The following MORC1 variants were observed in gnomAD, a reference collection of about 807,000 sequenced individuals.
MORC1 encodes MORC family CW-type zinc finger 1, also known as MORC family CW-type zinc finger protein 1.
Under a neutral mutation model 134.9 loss-of-function variants are expected in MORC1, and 59 were observed. The ratio of observed to expected loss-of-function variants is 0.44; its 90% CI spans 0.35 to 0.54. The LOEUF (loss-of-function observed/expected upper bound fraction) is 0.54. MORC1 is among the 20% of genes least tolerant of loss of function. The pLI is 0.00. For synonymous variants in MORC1, 395 were observed against 391.7 expected, an observed-to-expected ratio of 1.01 and a Z score of -0.10; for missense variants, 947 against 1,134.5, an observed-to-expected ratio of 0.83 and a Z score of 2.37.
intron 14 of MORC1, among the ~76,000 whole-genome samples, chr3:109,038,868 G>A (rs991335598): frequency 6.6e-6 from 1 of 152,074 alleles, no homozygotes; most frequent in African/African-American, 2.4e-5. Flanking sequence ...AAGTCAGGTA[G>A]CGCGATGCCT....
chr3:109,039,117 T>C (rs1022833910), intron 14 of MORC1, among the ~76,000 whole-genome samples: 5 of 152,126 alleles, frequency 3.3e-5, no homozygotes, highest in African/African-American at 1.2e-4. Flanking sequence ...GACTTCACCA[T>C]GTTGGCCAGG....
chr3:109,040,407 G>GAAAGAAAGA (rs58166584), intron 14 of MORC1, among the ~76,000 whole-genome samples: 8 of 26,266 alleles, frequency 3.0e-4, no homozygotes, highest in African/African-American at 7.8e-4. Flanking sequence ...AGAAAGAGAA[G>GAAAGAAAGA]GAAGGAAGGA....
At position 108,963,548 on chromosome 3, in the gene MORC1, T is replaced by A; in HGVS notation, c.2665A>T (p.Ile889Phe). The change falls in exon 27 of 28, where the codon ATC (isoleucine) becomes TTC (phenylalanine). Residue 889 changes from isoleucine (I) to phenylalanine (F), a missense_variant. Ile to Phe is a conservative substitution (Grantham distance 21, BLOSUM62 0). Transcript: ENST00000232603. ...KKIKRKLQSI[I>F]YDSNTRGIHN... ...ATTCCTCTTGTATTTGAATCATAGA[T>A]AATGGACTGCAATTTCCTCTTTATT... 6.2e-7 allele frequency: 1 copy of A among 1,601,984 alleles called. No homozygotes were observed. The highest frequency in any genetic ancestry group is 8.5e-7 in the Non-Finnish European group (1 of 1,173,874).
At position 109,062,033 on chromosome 3, in the gene MORC1, T is replaced by G. The variant is rs1049166698; in HGVS notation, c.921A>C (p.Gln307His). The G allele has an allele frequency of 6.2e-7, 1 of 1,614,096 alleles. No homozygotes were observed. The highest frequency in any genetic ancestry group is 8.5e-7 in the Non-Finnish European group (1 of 1,179,968). The change falls in exon 11 of 28, where the codon CAA becomes CAC. Residue 307 changes from glutamine (Q) to histidine (H), a missense_variant. By Grantham distance (24) the Gln-to-His change is conservative. Transcript: ENST00000232603. ...KIAESILKEAQIKVNQCDRTS... is the reference protein window; with the variant it reads ...KIAESILKEAHIKVNQCDRTS... ...TTCTGTCACACTGGTTTACTTTGAT[T>G]TGTGCTTCTTTCAATATGGATTCAG...
intron 9 of MORC1, among the ~76,000 whole-genome samples, chr3:109,068,881 T>C (rs1236075592): frequency 6.6e-6 from 1 of 152,192 alleles, no homozygotes; most frequent in African/African-American, 2.4e-5. Context: ...GGTGGCCAAG[T>C]GCAGTGGCTC....
intron 3 of MORC1, among the ~76,000 whole-genome samples, chr3:109,104,960 T>C (rs965965559): frequency 1.3e-5 from 2 of 152,012 alleles, no homozygotes; most frequent in African/African-American, 2.4e-5. Context: ...TCCTGACCCT[T>C]TGTAAATCCT....
Position 108,979,576 on chromosome 3 carries a change from G to A in MORC1, c.2416C>T (p.Pro806Ser), listed in dbSNP as rs1947654919. 2 of 1,614,050 alleles carry A rather than the reference G, an allele frequency of 1.2e-6. No individual in the cohort carries two copies. Among genetic ancestry groups the A allele is most frequent in the East Asian group, 2.2e-5 (1 of 44,888 alleles). The change falls in exon 24 of 28, where the codon CCA (proline) becomes TCA (serine). Residue 806 changes from proline to serine, a missense_variant. By Grantham distance (74) the Pro-to-Ser change is moderately conservative. This residue lies in a region of MORC1 where 722 missense variants were observed against 817.0 expected (regional missense o/e 0.88). Coordinates refer to ENST00000232603, the MANE Select transcript of MORC1 (RefSeq NM_014429.4). ...ACAGGTGTGCTTTGAGAAGACGCTG[G>A]CGAAGAAGCAACTTTACAACTGCCA... ...VSGSCKVASS[P>S]ASSQSTPVKE...
intron 21 of MORC1, among the ~76,000 whole-genome samples, chr3:108,990,863 G>A (rs948231230): frequency 2.0e-5 from 3 of 151,184 alleles, no homozygotes; most frequent in Admixed American, 6.6e-5. Flanking sequence ...GTATATGAAC[G>A]ACAAAGGAAA....
chr3:109,060,297 T>C (rs1282552449), intron 11 of MORC1, among the ~76,000 whole-genome samples: 1 of 151,984 alleles, frequency 6.6e-6, no homozygotes, highest in Non-Finnish European at 1.5e-5. Context: ...ATTTTGTTAG[T>C]AGCCAACAGA....
At position 109,015,835 on chromosome 3, in the gene MORC1, C is replaced by T. The variant is rs535499163; in HGVS notation, c.1705-8744G>A. On this transcript the variant is annotated intron_variant, in intron 17 of 27. Coordinates refer to ENST00000232603, the MANE Select transcript of MORC1 (RefSeq NM_014429.4). ...ATCATTTTCCATCTTTGCAGAAATT[C>T]CAAGCTGCTAAAATTTGTGCAAGTT... Among the ~76,000 whole-genome samples the T allele has an allele frequency of 3.7e-4, 56 of 152,246 alleles. 1 individual carries two copies. Among genetic ancestry groups the T allele is most frequent in the African/African-American group, 1.2e-3 (51 of 41,534 alleles).
At chr3:109,076,555 T>C (rs981641589) in intron 8 of MORC1, among the ~76,000 whole-genome samples, 2 of 152,118 alleles carry the variant, frequency 1.3e-5, no homozygotes, top group Non-Finnish European at 2.9e-5. Flanking sequence ...CTATTCACAA[T>C]AGCAAAGACT....
chr3:109,062,594 G>C (rs1223242040), intron 10 of MORC1, among the ~76,000 whole-genome samples: 1 of 151,826 alleles, frequency 6.6e-6, no homozygotes, highest in South Asian at 2.1e-4. Flanking sequence ...CTAACTTTTT[G>C]TATTTTTAGT....
At chr3:109,113,302 A>G (rs1195991425) in intron 2 of MORC1, among the ~76,000 whole-genome samples, 1 of 152,242 alleles carries the variant, frequency 6.6e-6, no homozygotes, top group Admixed American at 6.5e-5. Context: ...CTTTTTCTCT[A>G]CTTCCCTCCC....
At chr3:108,993,407 C>A (rs960631866) in intron 21 of MORC1, among the ~76,000 whole-genome samples, 1 of 152,124 alleles carries the variant, frequency 6.6e-6, no homozygotes, top group Non-Finnish European at 1.5e-5. Context: ...TCTCTCCGTA[C>A]GTTTGCTGGA....
intron 2 of MORC1, among the ~76,000 whole-genome samples, chr3:109,111,120 T>C (rs536695218): frequency 2.7e-5 from 4 of 150,088 alleles, no homozygotes; most frequent in African/African-American, 7.3e-5. Context: ...GTTTTTCATA[T>C]TTTAGTTCAA....
At chr3:109,027,173 A>G (rs1343992326) in intron 17 of MORC1, among the ~76,000 whole-genome samples, 1 of 152,252 alleles carries the variant, frequency 6.6e-6, no homozygotes, top group African/African-American at 2.4e-5. Flanking sequence ...CTAAATCTAT[A>G]GAGGTTTAAT....
At chr3:108,978,125 C>T (rs1224932146) in intron 24 of MORC1, among the ~76,000 whole-genome samples, 1 of 152,186 alleles carries the variant, frequency 6.6e-6, no homozygotes, top group Admixed American at 6.5e-5. Context: ...GATCCGCCCA[C>T]CTCGGCCTCC....
At chr3:109,101,454 A>T (rs1950923084) in intron 4 of MORC1, 1 of 152,200 alleles carries the variant, frequency 6.6e-6, no homozygotes, top group South Asian at 2.1e-4. Context: ...AGAACCAAGA[A>T]TGTTCTTCTT....
rs188896767 is a variant in MORC1 at position 109,059,304 on chromosome 3, A to G, written c.1031+502T>C. ...GAGCAAGTTCATCTTACAAATGTAA[A>G]TATTTGGTTTTGTTAACATATCCTT... On this transcript the variant is annotated intron_variant, in intron 12 of 27. Coordinates refer to ENST00000232603, the MANE Select transcript of MORC1 (RefSeq NM_014429.4). 5.3e-5 allele frequency among the ~76,000 whole-genome samples: 8 copies of G among 152,244 alleles called. No individual in the cohort carries two copies. The East Asian group carries it at 1.3e-3, about 26-fold the overall frequency.
Sources: allele counts gnomAD v4.1 joint callset (sites outside exome capture counted in the v4.1 genomes callset), GRCh38; gene constraint gnomAD v4.1.1; regional missense constraint gnomAD v4.1.1; transcripts MANE v1.5; gene names NCBI Gene and HGNC (gene_info 2026-07-23, HGNC 2026-07-21).